The following CDC27 variants were observed in gnomAD, a reference collection of about 807,000 sequenced individuals.
CDC27 encodes the protein cell division cycle 27, also known as cell division cycle protein 27 homolog.
CDC27 carries 27 observed loss-of-function variants against 109.7 expected under a neutral mutation model. The observed-to-expected ratio is 0.25, with a 90% CI of 0.18 to 0.34. The LOEUF is 0.34. Among genes scored for constraint, CDC27 ranks in the 10% least tolerant of loss-of-function variants. The pLI is 1.00. For missense variants in CDC27, 579 were observed against 960.2 expected, an observed-to-expected ratio of 0.60 and a Z score of 5.25; for synonymous variants, 266 against 333.9, an observed-to-expected ratio of 0.80 and a Z score of 2.22.
intron 10 of CDC27, among the ~76,000 whole-genome samples, chr17:47,143,222 C>A (rs1392492507): frequency 6.6e-6 from 1 of 152,168 alleles, no homozygotes; most frequent in Non-Finnish European, 1.5e-5. Flanking sequence ...CCTTGGCCTC[C>A]CAAAGTGCTA....
intron 4 of CDC27, among the ~76,000 whole-genome samples, chr17:47,166,610 T>C (rs1344687370): frequency 1.3e-5 from 2 of 152,170 alleles, no homozygotes; most frequent in African/African-American, 2.4e-5. Flanking sequence ...TTCTACTTTT[T>C]ATTATTTCCT....
chr17:47,125,126 C>G (rs1451192182), intron 16 of CDC27, among the ~76,000 whole-genome samples: 2 of 151,450 alleles, frequency 1.3e-5, no homozygotes. Context: ...ACTAAAGTTG[C>G]CCAGGCTGGT....
At chr17:47,148,853 G>A (rs1375934402) in intron 9 of CDC27, among the ~76,000 whole-genome samples, 1 of 152,040 alleles carries the variant, frequency 6.6e-6, no homozygotes, top group Non-Finnish European at 1.5e-5. Flanking sequence ...GCCAAGATGG[G>A]CGATCACCTG....
intron 4 of CDC27, among the ~76,000 whole-genome samples, chr17:47,163,518 T>C (rs556003301): frequency 1.3e-4 from 20 of 152,106 alleles, no homozygotes; most frequent in South Asian, 1.0e-3. Context: ...CTGGGCAACA[T>C]AGGGAGACCC....
intron 8 of CDC27, among the ~76,000 whole-genome samples, chr17:47,154,279 T>C (rs2063234060): frequency 6.6e-6 from 1 of 152,094 alleles, no homozygotes; most frequent in African/African-American, 2.4e-5. Flanking sequence ...AAAACATATA[T>C]ACACAGTGGT....
At chr17:47,124,920 T>A (rs2062087993) in intron 16 of CDC27, among the ~76,000 whole-genome samples, 1 of 152,072 alleles carries the variant, frequency 6.6e-6, no homozygotes, top group Non-Finnish European at 1.5e-5. Flanking sequence ...TTTAAAGACA[T>A]CTTTTTTTCT....
At chr17:47,186,458 C>T (rs1232759661) in intron 1 of CDC27, among the ~76,000 whole-genome samples, 2 of 152,082 alleles carry the variant, frequency 1.3e-5, no homozygotes, top group Non-Finnish European at 1.5e-5. Context: ...GAAGTCTTAC[C>T]CCTAGGAATA....
intron 7 of CDC27, 49 bp downstream of exon 7, chr17:47,156,864 A>C (rs770352273): frequency 3.2e-6 from 2 of 623,024 alleles, no homozygotes; most frequent in Non-Finnish European, 5.6e-6. Flanking sequence ...GAGTTATCAT[A>C]AGATCATTTG....
chr17:47,145,431 T>C (rs777196007), intron 9 of CDC27, among the ~76,000 whole-genome samples: 1 of 152,182 alleles, frequency 6.6e-6, no homozygotes, highest in African/African-American at 2.4e-5. Context: ...GAGTGTTATA[T>C]AATAAAGAAT....
intron 2 of CDC27, among the ~76,000 whole-genome samples, chr17:47,179,381 G>A (rs1351940099): frequency 6.6e-6 from 1 of 152,110 alleles, no homozygotes; most frequent in Non-Finnish European, 1.5e-5. Context: ...CAGTGGGAAT[G>A]AGTACTGTAA....
At chr17:47,143,034 T>A (rs984475955) in intron 10 of CDC27, among the ~76,000 whole-genome samples, 3 of 152,004 alleles carry the variant, frequency 2.0e-5, no homozygotes, top group Non-Finnish European at 4.4e-5. Context: ...TGTAATGATG[T>A]AATCAGAGCT....
rs58631604 is a variant in CDC27 at position 47,125,235 on chromosome 17, CTTTTTTT to C, written c.2161-1282_2161-1276del. On this transcript the variant is annotated intron_variant, in intron 16 of 18. Transcript: ENST00000066544. The stretch of plus-strand genomic sequence containing the variant: ...GCACCCGGCCTTACTTTAAAGAAAT[CTTTTTTT>C]TTTTTTTTTTTTTTTTTTTTTTGAG... 1.5e-3 allele frequency among the ~76,000 whole-genome samples: 74 copies of C among 48,040 alleles called. No individual in the cohort carries two copies. In the East Asian group the frequency reaches 0.041, roughly 26 times the overall value. The allele number at this position is 48,040 out of a possible 152,430, so 31.5% of individuals were successfully genotyped here.
chr17:47,156,133 A>T lies in CDC27; in HGVS notation c.842+780T>A, dbSNP rs982344455. On this transcript the variant is annotated intron_variant, in intron 7 of 18. Transcript: ENST00000066544. ...TAATTAAGGAATATTTCAGAGTTTT[A>T]AATTTTCCTCCAATTTTTTTTTTGA... is the stretch of plus-strand genomic sequence containing the variant. Among the ~76,000 whole-genome samples, 3 of 152,072 alleles carry T rather than the reference A, an allele frequency of 2.0e-5. No homozygotes were observed. In the East Asian group the frequency reaches 5.8e-4, roughly 29 times the overall value.
chr17:47,133,801 T>G (rs1437002453), intron 14 of CDC27, among the ~76,000 whole-genome samples: 1 of 152,000 alleles, frequency 6.6e-6, no homozygotes, highest in East Asian at 1.9e-4. Context: ...CAGGTTGGAG[T>G]GCAGTGGTGC....
chr17:47,123,812 A>G, intron 17 of CDC27, 74 bp downstream of exon 17: 1 of 1,049,366 alleles, frequency 9.5e-7, no homozygotes, highest in East Asian at 2.5e-5. Flanking sequence ...TACAGGAAGT[A>G]TTACATTTAT....
chr17:47,133,274 G>A (rs2062451048), intron 14 of CDC27, among the ~76,000 whole-genome samples: 1 of 149,146 alleles, frequency 6.7e-6, no homozygotes, highest in African/African-American at 2.5e-5. Flanking sequence ...AGTAGCTGGG[G>A]ATTACAGGCA....
rs754628187 is a variant in CDC27 at position 47,172,063 on chromosome 17, T to C, written c.105A>G (p.Val35=). 3 of 1,552,724 alleles carry C rather than the reference T, an allele frequency of 1.9e-6. No individual in the cohort carries two copies. The highest frequency in any genetic ancestry group is 2.2e-5 in the Admixed American group (1 of 46,444). The change falls in exon 3 of 19, where the codon GTA becomes GTG. Residue 35 remains valine, a splice_region_variant and synonymous_variant. Coordinates refer to ENST00000066544, the MANE Select transcript of CDC27 (RefSeq NM_001256.6). ...VFLAERLYAE[V]HSEEALFLLA... The stretch of plus-strand genomic sequence containing the variant: ...GTAAAAACAAGGCTTCTTCTGAGTG[T>C]ACTAAAAACAGACATTTTTTAAAAA...
chr17:47,181,416 A>T, intron 2 of CDC27, 146 bp downstream of exon 2: 1 of 485,342 alleles, frequency 2.1e-6, no homozygotes, highest in Non-Finnish European at 3.8e-6. Context: ...AACTACACAG[A>T]AAAAAAGTAA....
At chr17:47,149,403 C>T (rs545315642) in intron 9 of CDC27, among the ~76,000 whole-genome samples, 5 of 150,382 alleles carry the variant, frequency 3.3e-5, no homozygotes, top group Admixed American at 2.0e-4. Flanking sequence ...CCCAGCTACT[C>T]GGGAGGCTGA....
Sources: allele counts gnomAD v4.1 joint callset (sites outside exome capture counted in the v4.1 genomes callset), GRCh38; gene constraint gnomAD v4.1.1; transcripts MANE v1.5; gene names NCBI Gene and HGNC (gene_info 2026-07-23, HGNC 2026-07-21).